The following AGK variants were observed in gnomAD, a reference collection of about 807,000 sequenced individuals.
The protein encoded by AGK is acylglycerol kinase.
AGK carries 52 observed loss-of-function variants against 66.4 expected under a neutral mutation model. The observed-to-expected ratio is 0.78, with a 90% CI of 0.63 to 0.99. The LOEUF (loss-of-function observed/expected upper bound fraction) is 0.99, where lower values mean the gene tolerates loss of function less well. Ranked by LOEUF, AGK falls within the 50% of genes least tolerant of loss-of-function variation. The probability of loss-of-function intolerance (pLI) is 0.00; values close to 1 mark genes in which losing one functional copy is unlikely to be tolerated. For missense variants in AGK, 451 were observed against 506.6 expected, an observed-to-expected ratio of 0.89 and a Z score of 1.05; for synonymous variants, 182 against 181.1, an observed-to-expected ratio of 1.00 and a Z score of -0.04.
At chr7:141,647,149 C>T (rs986750929) in intron 13 of AGK, among the ~76,000 whole-genome samples, 1 of 151,748 alleles carries the variant, frequency 6.6e-6, no homozygotes, top group Admixed American at 6.6e-5. Context: ...AACCCTGGGC[C>T]GTTCTTACAC....
rs879346055 is a variant in AGK at position 141,622,093 on chromosome 7, CT to C, written c.588+307del. Among the ~76,000 whole-genome samples, 495 of 141,614 alleles carry C rather than the reference CT, an allele frequency of 3.5e-3. 2 individuals are homozygous for C. Among genetic ancestry groups the C allele is most frequent in the African/African-American group, 8.0e-3 (312 of 38,794 alleles). The allele number at this position is 141,614 out of a possible 152,430, so 92.9% of individuals were successfully genotyped here. ...CAGTAGTGTTAAGTACACTTAGCTA[CT>C]TTTTTTTTTTTTTTGAGAAGGAGTC... is the stretch of plus-strand genomic sequence containing the variant. On this transcript the variant is annotated intron_variant, in intron 9 of 15. Transcript: ENST00000649286.
chr7:141,555,756 T>G lies in AGK; in HGVS notation c.101+189T>G, dbSNP rs1027954444. On this transcript the variant is annotated intron_variant, in intron 2 of 15. Transcript: ENST00000649286. This position sits in a 1 kb window ranked among gnomAD's most constrained non-coding sequence, Gnocchi z 4.2. ...AGCTGGAACTACATGCATACTTATA[T>G]CCAGTGGTTAGAGAATAAAGTAGAG... 2.0e-5 allele frequency among the ~76,000 whole-genome samples: 3 copies of G among 152,212 alleles called. No homozygotes were observed. The highest frequency in any genetic ancestry group is 4.8e-5 in the African/African-American group (2 of 41,450).
Position 141,641,394 on chromosome 7 carries a change from G to T in AGK, c.873G>T (p.Gln291His). The T allele has an allele frequency of 3.7e-6, 6 of 1,610,772 alleles. No individual in the cohort carries two copies. Among genetic ancestry groups the T allele is most frequent in the Non-Finnish European group, 5.1e-6 (6 of 1,178,974 alleles). ...TTGCGTCCTACTGGGCACAACCACAGGATGGTGAGCAATGTGGCGACTAAA... is the reference window on the plus strand; with the variant it reads ...TTGCGTCCTACTGGGCACAACCACATGATGGTGAGCAATGTGGCGACTAAA... Reference protein sequence around the residue: ...RRLASYWAQPQDALSQEVSPE... With the variant: ...RRLASYWAQPHDALSQEVSPE... The change falls in exon 12 of 16, where the codon CAG becomes CAT. Residue 291 changes from glutamine (Q) to histidine (H), a missense_variant. By Grantham distance (24) the Gln-to-His change is conservative (BLOSUM62 0). Transcript: ENST00000649286.
chr7:141,554,415 A>G (rs570911144), intron 1 of AGK, among the ~76,000 whole-genome samples: 1 of 152,080 alleles, frequency 6.6e-6, no homozygotes, highest in Non-Finnish European at 1.5e-5. Flanking sequence ...GTTTGAACAT[A>G]ATTGGTATAA....
chr7:141,562,979 T>A (rs1460553182), intron 2 of AGK, among the ~76,000 whole-genome samples: 1 of 152,228 alleles, frequency 6.6e-6, no homozygotes, highest in Non-Finnish European at 1.5e-5. Context: ...TAGGTAAGGT[T>A]AAATCCTTCT....
rs374790895 is a variant in AGK at position 141,569,641 on chromosome 7, T to C, written c.101+14074T>C. 1.6e-4 allele frequency among the ~76,000 whole-genome samples: 25 copies of C among 152,362 alleles called. No individual in the cohort carries two copies. In the East Asian group the frequency reaches 3.1e-3, roughly 19 times the overall value. On this transcript the variant is annotated intron_variant, in intron 2 of 15. Transcript: ENST00000649286. Reference sequence around the variant, plus strand: ...CATTTATTAACTCATTTCATCTTCCTTATAACTCTATGAGATGGTTATTAA... The same window carrying C: ...CATTTATTAACTCATTTCATCTTCCCTATAACTCTATGAGATGGTTATTAA...
chr7:141,621,058 A>C (rs1177166527), intron 8 of AGK, among the ~76,000 whole-genome samples: 1 of 152,238 alleles, frequency 6.6e-6, no homozygotes, highest in Non-Finnish European at 1.5e-5. Flanking sequence ...GTCCAGAGAC[A>C]GGCTCATTAA....
In AGK at chr7:141,636,218, A is replaced by G. The variant is rs192076156; in HGVS notation, c.669-742A>G. 2.8e-3 allele frequency among the ~76,000 whole-genome samples: 427 copies of G among 152,338 alleles called. 3 individuals are homozygous for G. Among genetic ancestry groups the G allele is most frequent in the Non-Finnish European group, 4.9e-3 (330 of 68,030 alleles). ...TACACATTTTTAATTGAGTGTGCAT[A>G]TGTGCATTTGTGTGTGTGAGAGGAC... is the stretch of plus-strand genomic sequence containing the variant. On this transcript the variant is annotated intron_variant, in intron 10 of 15. Coordinates refer to ENST00000649286, the MANE Select transcript of AGK (RefSeq NM_018238.4).
intron 7 of AGK, 30 bp downstream of exon 7, chr7:141,614,208 CTT>C: frequency 1.4e-6 from 2 of 1,456,466 alleles, no homozygotes; most frequent in South Asian, 1.4e-5. Flanking sequence ...TGCATTTTAA[CTT>C]TTATTTTTCT....
At chr7:141,600,951 A>G (rs1796327086) in intron 4 of AGK, among the ~76,000 whole-genome samples, 1 of 152,176 alleles carries the variant, frequency 6.6e-6, no homozygotes, top group Non-Finnish European at 1.5e-5. Flanking sequence ...TTTGTGAACT[A>G]TAAGCCTCCC....
At chr7:141,596,103 G>A (rs1453879405) in intron 3 of AGK, among the ~76,000 whole-genome samples, 1 of 152,172 alleles carries the variant, frequency 6.6e-6, no homozygotes, top group Non-Finnish European at 1.5e-5. Context: ...GGCAAATAGA[G>A]TATTCGGTTT....
chr7:141,571,618 G>A (rs528990558), intron 2 of AGK, among the ~76,000 whole-genome samples: 61 of 152,330 alleles, frequency 4.0e-4, no homozygotes, highest in Admixed American at 6.5e-4. Context: ...CATGTGATCA[G>A]CTTGACCCAT....
intron 2 of AGK, among the ~76,000 whole-genome samples, chr7:141,584,044 C>T (rs571156110): frequency 1.7e-4 from 26 of 151,978 alleles, no homozygotes; most frequent in Non-Finnish European, 3.4e-4. Flanking sequence ...CACCAAATTT[C>T]ACTCGTGTCC....
At chr7:141,612,223 GA>G (rs1796603745) in intron 6 of AGK, among the ~76,000 whole-genome samples, 1 of 152,190 alleles carries the variant, frequency 6.6e-6, no homozygotes, top group African/African-American at 2.4e-5. Context: ...AGGATAGTCT[GA>G]AAAGACTACA....
chr7:141,593,002 C>T, intron 2 of AGK, 144 bp from the exon 3 acceptor site: 1 of 675,972 alleles, frequency 1.5e-6, no homozygotes, highest in Non-Finnish European at 2.5e-6. Context: ...CCATGCCCGG[C>T]CTGTTATCAG....
At chr7:141,589,082 A>G (rs572056488) in intron 2 of AGK, among the ~76,000 whole-genome samples, 4 of 152,180 alleles carry the variant, frequency 2.6e-5, no homozygotes, top group African/African-American at 9.7e-5. Context: ...AATGCAGCCC[A>G]GTAGGTCTCA....
intron 3 of AGK, chr7:141,593,661 T>A: frequency 2.8e-6 from 1 of 351,998 alleles, no homozygotes; most frequent in Non-Finnish European, 5.1e-6. Context: ...TTCCATGAGA[T>A]TTTACTTAAA....
chr7:141,616,226 G>A (rs1796698882), intron 8 of AGK: 2 of 152,210 alleles, frequency 1.3e-5, no homozygotes, highest in Admixed American at 1.3e-4. Flanking sequence ...AGCTTTGACA[G>A]TGATTAATAA....
chr7:141,558,745 C>T (rs753538301), intron 2 of AGK, among the ~76,000 whole-genome samples: 5 of 152,130 alleles, frequency 3.3e-5, no homozygotes, highest in East Asian at 1.9e-4. Context: ...ATCCCACAAA[C>T]GGTGTACAAG....
Sources: allele counts gnomAD v4.1 joint callset (sites outside exome capture counted in the v4.1 genomes callset), GRCh38; gene constraint gnomAD v4.1.1; non-coding constraint Gnocchi (gnomAD v3.1); transcripts MANE v1.5; gene names NCBI Gene and HGNC (gene_info 2026-07-23, HGNC 2026-07-21).